Variants in FERRY3 observed in about 807,000 individuals in gnomAD.
FERRY3 encodes the protein protein C12orf4.
chr12:4,522,137 G>A, the FERRY3 span, among the ~76,000 whole-genome samples: 1 of 152,112 alleles, frequency 6.6e-6, no homozygotes, highest in Admixed American at 6.5e-5. Context: ...CTGATAATGG[G>A]GAAGACTATG....
the FERRY3 span, chr12:4,518,807 T>C: frequency 6.3e-7 from 1 of 1,591,314 alleles, no homozygotes. Context: ...TCTAACTTTC[T>C]CTGTTCCTCA....
the FERRY3 span, chr12:4,502,624 A>T: frequency 3.2e-6 from 1 of 312,508 alleles, no homozygotes; most frequent in African/African-American, 2.3e-5. The surrounding 1 kb of genome is among the most constrained non-coding windows in gnomAD (Gnocchi z 4.2). Flanking sequence ...TTGCCCTCAC[A>T]AATTCTGCTC....
At chr12:4,505,483 G>A in the FERRY3 span, 15 of 747,578 alleles carry the variant, frequency 2.0e-5, no homozygotes, top group Non-Finnish European at 2.9e-5. Flanking sequence ...AATTCACTAA[G>A]GGCATCTATG....
At chr12:4,529,717 A>C in the FERRY3 span, 1 of 617,618 alleles carries the variant, frequency 1.6e-6, no homozygotes, top group Non-Finnish European at 2.6e-6. Flanking sequence ...AGTTGTAGTT[A>C]CACATTTAAA....
chr12:4,527,056 G>A, the FERRY3 span, among the ~76,000 whole-genome samples: 2 of 152,036 alleles, frequency 1.3e-5, no homozygotes, highest in Non-Finnish European at 2.9e-5. Context: ...AATTATGCTT[G>A]CAAGTGAGAT....
the FERRY3 span, among the ~76,000 whole-genome samples, chr12:4,501,714 AT>A: frequency 6.6e-6 from 1 of 152,166 alleles, no homozygotes; most frequent in Non-Finnish European, 1.5e-5. Flanking sequence ...CTGATTCTAT[AT>A]TACAGTGACT....
chr12:4,530,068 G>A, the FERRY3 span: 1 of 1,586,250 alleles, frequency 6.3e-7, no homozygotes. Context: ...ATAATATACA[G>A]ACAATCTTAA....
chr12:4,534,194 T>C, the FERRY3 span: 2 of 1,611,448 alleles, frequency 1.2e-6, no homozygotes, highest in South Asian at 2.2e-5. Context: ...CGCCAGCTGA[T>C]GTAAATCTAC....
At chr12:4,505,059 C>G in the FERRY3 span, among the ~76,000 whole-genome samples, 13 of 152,266 alleles carry the variant, frequency 8.5e-5, no homozygotes, top group East Asian at 2.5e-3. Context: ...GAACTGAGAT[C>G]GCACCACTGT....
At chr12:4,517,121 C>T in the FERRY3 span, 1 of 1,600,240 alleles carries the variant, frequency 6.2e-7, no homozygotes, top group East Asian at 2.3e-5. Context: ...ACCTGTTGGA[C>T]AACTTCTAAT....
the FERRY3 span, among the ~76,000 whole-genome samples, chr12:4,519,178 C>T: frequency 4.3e-4 from 65 of 152,030 alleles, no homozygotes; most frequent in Admixed American, 9.2e-4. The surrounding 1 kb of genome is among the most constrained non-coding windows in gnomAD (Gnocchi z 4.3). Context: ...TTAAATGAAG[C>T]GATTAACTTA....
chr12:4,522,196 TGTGAACCTAAAACTACTTTGAAGAAATA>T, the FERRY3 span, among the ~76,000 whole-genome samples: 2 of 152,346 alleles, frequency 1.3e-5, no homozygotes, highest in East Asian at 3.9e-4. Context: ...TCAGTTTTGC[TGTGAACCTAAAACTACTTTGAAGAAATA>T]AAGTCTTTAA....
At chr12:4,493,880 G>A in the FERRY3 span, among the ~76,000 whole-genome samples, 2 of 152,122 alleles carry the variant, frequency 1.3e-5, no homozygotes, top group African/African-American at 4.8e-5. Flanking sequence ...ATCATCTGAG[G>A]TCAGAAGTTC....
At chr12:4,518,837 C>T in the FERRY3 span, 1 of 1,593,524 alleles carries the variant, frequency 6.3e-7, no homozygotes, top group Non-Finnish European at 8.5e-7. Context: ...CCAATTGCTT[C>T]TACAGATTCT....
the FERRY3 span, among the ~76,000 whole-genome samples, chr12:4,494,282 G>A: frequency 6.6e-6 from 1 of 152,022 alleles, no homozygotes; most frequent in South Asian, 2.1e-4. Flanking sequence ...GACAGCCTGA[G>A]GCTTGAATTT....
At chr12:4,509,587 ACC>A in the FERRY3 span, among the ~76,000 whole-genome samples, 1 of 146,468 alleles carries the variant, frequency 6.8e-6, no homozygotes, top group Non-Finnish European at 1.5e-5. Flanking sequence ...TGGGTCCCTG[ACC>A]CCTGACCCCC....
At chr12:4,505,514 G>A in the FERRY3 span, 2 of 631,678 alleles carry the variant, frequency 3.2e-6, no homozygotes, top group East Asian at 5.5e-5. Context: ...TCTGCTATAT[G>A]CTTTACATGG....
the FERRY3 span, chr12:4,517,039 A>G: frequency 6.6e-7 from 1 of 1,509,406 alleles, no homozygotes; most frequent in Non-Finnish European, 8.9e-7. Flanking sequence ...GACAGAATAT[A>G]ATAAAAGTGA....
the FERRY3 span, among the ~76,000 whole-genome samples, chr12:4,514,942 C>A: frequency 6.6e-6 from 1 of 150,446 alleles, no homozygotes; most frequent in African/African-American, 2.5e-5. Context: ...ACCTATGGTA[C>A]CAATTTAATT....
Sources: allele counts gnomAD v4.1 joint callset (sites outside exome capture counted in the v4.1 genomes callset), GRCh38; gene constraint gnomAD v4.1.1; non-coding constraint Gnocchi (gnomAD v3.1); transcripts MANE v1.5; gene names NCBI Gene and HGNC (gene_info 2026-07-23, HGNC 2026-07-21).